TMEM38A: variants seen among roughly 807,000 people sequenced by gnomAD.
The protein encoded by TMEM38A is transmembrane protein 38A, also known as trimeric intracellular cation channel type A.
In TMEM38A, 17 loss-of-function variants were observed where a neutral mutation model predicts 28.6. The observed-to-expected ratio is 0.60, with a 90% CI of 0.41 to 0.89. TMEM38A has a LOEUF of 0.89. TMEM38A is among the 40% of genes least tolerant of loss of function. TMEM38A has a pLI of 0.00. For missense variants in TMEM38A, 328 were observed against 393.1 expected (o/e 0.83, Z 1.40); for synonymous variants, 169 against 166.1 (o/e 1.02, Z -0.14).
At chr19:16,684,726 T>C (rs1410717090) in intron 4 of TMEM38A, among the ~76,000 whole-genome samples, 1 of 152,084 alleles carries the variant, frequency 6.6e-6, no homozygotes, top group Non-Finnish European at 1.5e-5. Context: ...TTCAGGGTTA[T>C]GATTTATTAC....
intron 1 of TMEM38A, among the ~76,000 whole-genome samples, chr19:16,665,489 C>CA (rs57211418): frequency 0.074 from 10,273 of 138,534 alleles, 991 homozygotes; most frequent in African/African-American, 0.23. Context: ...GACCCTGTCT[C>CA]AAAAAAAAAA....
chr19:16,666,765 C>T (rs961305794), intron 1 of TMEM38A, among the ~76,000 whole-genome samples: 2 of 151,994 alleles, frequency 1.3e-5, no homozygotes, highest in African/African-American at 4.8e-5. Flanking sequence ...TCAGCCAGGC[C>T]AACATGGTGA....
In TMEM38A at chr19:16,680,103, A is replaced by G. The variant is rs1173854000; in HGVS notation, c.244A>G (p.Ser82Gly). 9.3e-6 allele frequency: 15 copies of G among 1,610,558 alleles called. No individual in the cohort carries two copies. The South Asian group carries it at 1.6e-4, about 18-fold the overall frequency. Residue 82 changes from serine (S) to glycine (G), a missense_variant, in exon 2 of 6, where the codon AGC (serine) becomes GGC (glycine). Coordinates refer to ENST00000187762, the MANE Select transcript of TMEM38A (RefSeq NM_024074.4). ...TGGGGAGCCACTGATCGATTACTTC[A>G]GCAACAACTCCAGCATCCTGCTGGC... Reference protein sequence around the residue: ...LLGEPLIDYFSNNSSILLASA... With the variant: ...LLGEPLIDYFGNNSSILLASA...
chr19:16,673,070 T>G (rs1005047449), intron 1 of TMEM38A, among the ~76,000 whole-genome samples: 2 of 151,880 alleles, frequency 1.3e-5, no homozygotes, highest in African/African-American at 4.8e-5. Flanking sequence ...TTCTTTTTCT[T>G]TTTGTTTGTT....
At chr19:16,683,611 AG>A (rs1267501079) in intron 4 of TMEM38A, among the ~76,000 whole-genome samples, 4 of 149,478 alleles carry the variant, frequency 2.7e-5, no homozygotes, top group Admixed American at 6.7e-5. Flanking sequence ...AAAAAAAAAA[AG>A]GGATCATGCA....
In TMEM38A at chr19:16,661,367, G is replaced by C; in HGVS notation, c.124+26G>C. 6.4e-7 allele frequency: 1 copy of C among 1,557,542 alleles called. No individual in the cohort carries two copies. The highest frequency in any genetic ancestry group is 8.7e-7 in the Non-Finnish European group (1 of 1,150,334). On this transcript the variant is annotated intron_variant, in intron 1 of 5. Coordinates refer to ENST00000187762, the MANE Select transcript of TMEM38A (RefSeq NM_024074.4). The surrounding 1 kb of genome is among the most constrained non-coding windows in gnomAD (Gnocchi z 6.5). ...GTGAGCCGGGGCGGGGGGCTGGAGG[G>C]GACCGGCAGCGGGTGGCGCGGGCCG...
At position 16,675,102 on chromosome 19, in the gene TMEM38A, G is replaced by C. The variant is rs1055947001; in HGVS notation, c.125-4882G>C. 9.2e-5 allele frequency among the ~76,000 whole-genome samples: 14 copies of C among 152,166 alleles called. No homozygotes were observed. The East Asian group carries it at 1.3e-3, about 15-fold the overall frequency. ...AAATTTATTTCTCAGAGTTCTGGAG[G>C]CTGGAAGTCTGAGATCAGGGCACTA... On this transcript the variant is annotated intron_variant, in intron 1 of 5. Transcript: ENST00000187762.
At chr19:16,666,214 C>T (rs886889428) in intron 1 of TMEM38A, among the ~76,000 whole-genome samples, 8 of 151,918 alleles carry the variant, frequency 5.3e-5, no homozygotes, top group African/African-American at 1.7e-4. Flanking sequence ...CTCTTGACCT[C>T]GTGATCCGCC....
At position 16,688,391 on chromosome 19, in the gene TMEM38A, C is replaced by T. The variant is rs1044477323; in HGVS notation, c.*20C>T. On this transcript the variant is annotated 3_prime_UTR_variant, in exon 6 of 6. Transcript: ENST00000187762. ...GATTAGGGGGTGGCCCAAGGGGCACCGGGGAGAGGACCCGGACCCAGGACC... is the reference window on the plus strand; with the variant it reads ...GATTAGGGGGTGGCCCAAGGGGCACTGGGGAGAGGACCCGGACCCAGGACC... 44 of 1,533,214 alleles carry T rather than the reference C, an allele frequency of 2.9e-5. No individual in the cohort carries two copies. Among genetic ancestry groups the T allele is most frequent in the South Asian group, 1.7e-4 (14 of 81,118 alleles). 95.0% of individuals were successfully genotyped at this position (1,533,214 alleles called of 1,614,324 possible). A position where few individuals can be genotyped will look rare whatever the true frequency, so the allele number is the denominator to read the frequency against.
intron 4 of TMEM38A, among the ~76,000 whole-genome samples, chr19:16,683,748 A>C (rs1418631240): frequency 6.6e-6 from 1 of 152,116 alleles, no homozygotes; most frequent in East Asian, 1.9e-4. Flanking sequence ...AGGTGGGCAG[A>C]TCACCTGAGG....
intron 1 of TMEM38A, among the ~76,000 whole-genome samples, chr19:16,664,861 AAATAAT>A (rs1045943046): frequency 6.6e-6 from 1 of 150,996 alleles, no homozygotes; most frequent in Non-Finnish European, 1.5e-5. Context: ...TCTCCTAAAA[AAATAAT>A]AATAATAATA....
intron 4 of TMEM38A, 47 bp downstream of exon 4, chr19:16,682,555 G>T: frequency 3.8e-6 from 6 of 1,559,468 alleles, no homozygotes; most frequent in Non-Finnish European, 4.4e-6. Context: ...TGTATGTCCG[G>T]GTGCCTGACC....
At chr19:16,674,972 C>T (rs893717164) in intron 1 of TMEM38A, among the ~76,000 whole-genome samples, 4 of 152,138 alleles carry the variant, frequency 2.6e-5, no homozygotes, top group African/African-American at 7.2e-5. Context: ...ATCAAATCCA[C>T]CCGTTGAATG....
intron 5 of TMEM38A, 78 bp downstream of exon 5, chr19:16,686,483 T>G: frequency 8.4e-7 from 1 of 1,189,054 alleles, no homozygotes; most frequent in Non-Finnish European, 1.2e-6. Flanking sequence ...GTGGGGAAAT[T>G]GGACACTCCC....
chr19:16,672,466 T>TTTTTTTTTTTA (rs3067283), intron 1 of TMEM38A, among the ~76,000 whole-genome samples: 1 of 149,658 alleles, frequency 6.7e-6, no homozygotes, highest in Non-Finnish European at 1.5e-5. Flanking sequence ...TTTTTTTTTT[T>TTTTTTTTTTTA]GAGGCAGAGT....
intron 4 of TMEM38A, among the ~76,000 whole-genome samples, chr19:16,683,456 G>A (rs1171349148): frequency 1.3e-5 from 2 of 151,964 alleles, no homozygotes; most frequent in Admixed American, 1.3e-4. Flanking sequence ...AGCTAGGCAT[G>A]GTGGGATGCA....
chr19:16,671,009 C>T (rs1304134646), intron 1 of TMEM38A, among the ~76,000 whole-genome samples: 1 of 152,036 alleles, frequency 6.6e-6, no homozygotes, highest in East Asian at 1.9e-4. Context: ...GATAGTTGGT[C>T]ACCCTAGACC....
chr19:16,676,519 T>C (rs2122588425), intron 1 of TMEM38A, among the ~76,000 whole-genome samples: 1 of 152,266 alleles, frequency 6.6e-6, no homozygotes, highest in East Asian at 1.9e-4. Flanking sequence ...GATCATAAAG[T>C]TGTTCTCTGC....
In TMEM38A at chr19:16,688,189, C is replaced by A. The variant is rs747061052; in HGVS notation, c.718C>A (p.Leu240Met). ...THSHSSPFDA[L>M]EGYICPVLFG... is the part of the protein sequence containing the mutation. ...CTCACACAGCTCCCCCTTTGATGCCCTGGAGGGCTACATCTGCCCCGTGCT... is the reference window on the plus strand; with the variant it reads ...CTCACACAGCTCCCCCTTTGATGCCATGGAGGGCTACATCTGCCCCGTGCT... Residue 240 changes from leucine (L) to methionine (M), a missense_variant, in exon 6 of 6, where the codon CTG becomes ATG. Physicochemically the swap from Leu to Met is conservative, Grantham distance 15. Transcript: ENST00000187762. 1 of 1,500,956 alleles carries A rather than the reference C, an allele frequency of 6.7e-7. No individual in the cohort carries two copies. Among genetic ancestry groups the A allele is most frequent in the Non-Finnish European group, 8.9e-7 (1 of 1,118,338 alleles). 93.0% of individuals were successfully genotyped at this position (1,500,956 alleles called of 1,614,324 possible).
Sources: gnomAD v4.1 joint callset for allele counts (sites outside exome capture counted in the v4.1 genomes callset) on GRCh38, gnomAD v4.1.1 for gene constraint, Gnocchi (gnomAD v3.1) non-coding constraint, MANE v1.5 for transcripts, NCBI Gene and HGNC (gene_info 2026-07-23, HGNC 2026-07-21) for gene names.